Variants in RPAP1 observed in about 807,000 individuals in gnomAD.
The protein encoded by RPAP1 is RNA polymerase II-associated protein 1.
A neutral mutation model predicts 142.4 loss-of-function variants in RPAP1; 109 were observed. The ratio of observed to expected loss-of-function variants is 0.77; its 90% confidence interval spans 0.66 to 0.90. The LOEUF (loss-of-function observed/expected upper bound fraction) is 0.90, where lower values mean the gene tolerates loss of function less well. RPAP1 is among the 40% of genes least tolerant of loss of function. The pLI is 0.00. For synonymous variants in RPAP1, 704 were observed against 738.9 expected (o/e 0.95, Z 0.77); for missense variants, 1,546 against 1,751.7 (o/e 0.88, Z 2.10).
rs1471662545 is a variant in RPAP1, at chr15:41,536,516, G to A, written c.315C>T (p.Val105=). Residue 105 remains valine, a synonymous_variant, in exon 3 of 25, where the codon GTC becomes GTT. Transcript: ENST00000304330. ...TGAGACGCACAATAATCTTAGTCAA[G>A]ACAGCAGTGATGTGCTGATCATGCC... is the stretch of plus-strand genomic sequence containing the variant. ...LRRHDQHITA[V]LTKIIERDTS... is the part of the protein sequence containing the mutation. 1 of 1,614,102 alleles carries A rather than the reference G, an allele frequency of 6.2e-7. No individual in the cohort carries two copies.
At position 41,536,377 on chromosome 15, in the gene RPAP1, G is replaced by C. The variant is rs2051907417; in HGVS notation, c.330+124C>G. 3.6e-6 allele frequency: 5 copies of C among 1,394,680 alleles called. No individual in the cohort carries two copies. In the Admixed American group the frequency reaches 9.1e-5, roughly 25 times the overall value. The allele number at this position is 1,394,680 out of a possible 1,614,324, so 86.4% of individuals were successfully genotyped here. A position where few individuals can be genotyped will look rare whatever the true frequency, so the allele number is the denominator to read the frequency against. ...GTGATTCTAACCCAGCCCCCAACCT[G>C]ACCTCAGGGGTAAAAGTCTACCTTT... On this transcript the variant is annotated intron_variant, in intron 3 of 24. Coordinates refer to ENST00000304330, the MANE Select transcript of RPAP1 (RefSeq NM_015540.4).
Position 41,522,308 on chromosome 15 carries a change from C to G in RPAP1, c.2743-58G>C, listed in dbSNP as rs1369449420. The G allele has an allele frequency of 3.3e-6, 5 of 1,523,114 alleles. No homozygotes were observed. In the East Asian group the frequency reaches 1.2e-4, roughly 36 times the overall value. 94.3% of individuals were successfully genotyped at this position (1,523,114 alleles called of 1,614,324 possible). On this transcript the variant is annotated intron_variant, in intron 19 of 24. Transcript: ENST00000304330. The stretch of plus-strand genomic sequence containing the variant: ...ATTGACTCTCATGCCTTCTAGGGCT[C>G]CCCAGGTGGCTGCCCCTCTCCAGAC...
At chr15:41,535,660 A>G (rs1054627759) in intron 4 of RPAP1, 28 bp from the exon 5 acceptor site, 3 of 1,605,848 alleles carry the variant, frequency 1.9e-6, no homozygotes, top group South Asian at 2.2e-5. Flanking sequence ...AACCCAGGTT[A>G]CTGATGCTCA....
At chr15:41,532,701 C>T (rs1288691415) in intron 6 of RPAP1, among the ~76,000 whole-genome samples, 8 of 151,722 alleles carry the variant, frequency 5.3e-5, no homozygotes, top group Non-Finnish European at 1.0e-4. Context: ...CGGCTGGGCA[C>T]GGTGACCATC....
At chr15:41,526,282 G>A (rs1335045279) in intron 14 of RPAP1, among the ~76,000 whole-genome samples, 1 of 152,168 alleles carries the variant, frequency 6.6e-6, no homozygotes, top group African/African-American at 2.4e-5. Flanking sequence ...GTCTCGCCCT[G>A]TTGCCTAGGC....
Position 41,522,930 on chromosome 15 carries a change from G to A in RPAP1, c.2577C>T (p.Ser859=), listed in dbSNP as rs1268119680. 2 of 1,557,964 alleles carry A rather than the reference G, an allele frequency of 1.3e-6. No homozygotes were observed. The highest frequency in any genetic ancestry group is 8.6e-7 in the Non-Finnish European group (1 of 1,161,804). Residue 859 remains serine, a synonymous_variant, in exon 19 of 25, where the codon TCC becomes TCT. Coordinates refer to ENST00000304330, the MANE Select transcript of RPAP1 (RefSeq NM_015540.4). ...GGGGAGCTTCAAGGGCTGGCACACA[G>A]GACAGCGGGTTGCAGAGAAGGGAGC... ...RHCSLLCNPL[S]CVPALEAPPS...
chr15:41,536,082 C>G (rs1419006333), intron 4 of RPAP1, 47 bp downstream of exon 4: 1 of 1,425,534 alleles, frequency 7.0e-7, no homozygotes, highest in Non-Finnish European at 9.9e-7. Flanking sequence ...CACTATGAGA[C>G]TCACCTGTCT....
In RPAP1 at chr15:41,531,064, C is replaced by T. The variant is rs773052751; in HGVS notation, c.902G>A (p.Ser301Asn). 54 of 1,613,722 alleles carry T rather than the reference C, an allele frequency of 3.3e-5. No individual in the cohort carries two copies. The highest frequency in any genetic ancestry group is 4.2e-5 in the Non-Finnish European group (50 of 1,179,836). The change falls in exon 7 of 25, where the codon AGT (serine) becomes AAT (asparagine). Residue 301 changes from serine to asparagine, a missense_variant. This residue lies in a region of RPAP1 where 1,333 missense variants were observed against 1,486.6 expected (regional missense o/e 0.90). Transcript: ENST00000304330. ...KEEPLMSAFA[S>N]EPRKRDKLEP... ...CAGCTTGTCTCTCTTCCTGGGCTCA[C>T]TGGCAAAAGCTGACATGAGGGGTTC...
intron 1 of RPAP1, among the ~76,000 whole-genome samples, chr15:41,541,859 T>C (rs897671546): frequency 6.6e-6 from 1 of 151,780 alleles, no homozygotes; most frequent in African/African-American, 2.4e-5. Flanking sequence ...AAAAAAAAAG[T>C]GCTGAATGAC....
intron 15 of RPAP1, among the ~76,000 whole-genome samples, 181 bp from the exon 16 acceptor site, chr15:41,524,435 C>T (rs2051767381): frequency 6.7e-6 from 1 of 150,044 alleles, no homozygotes; most frequent in African/African-American, 2.5e-5. Flanking sequence ...AGGCTGCCCC[C>T]AACAGGGAAT....
chr15:41,540,861 A>G (rs1337174614), intron 1 of RPAP1, among the ~76,000 whole-genome samples: 4 of 152,188 alleles, frequency 2.6e-5, no homozygotes, highest in African/African-American at 4.8e-5. Context: ...AGGTTTCTCA[A>G]TAGGGACTAT....
At position 41,542,799 on chromosome 15, in the gene RPAP1, C is replaced by T. The variant is rs569977741; in HGVS notation, c.-77+1420G>A. Among the ~76,000 whole-genome samples the T allele has an allele frequency of 2.6e-4, 40 of 152,230 alleles. 1 individual carries two copies. The South Asian group carries it at 6.6e-3, about 25-fold the overall frequency. ...AGTCTCATACATGAAAGGACACAAA[C>T]GCCAGTTATGATTCTTATTATTTAT... On this transcript the variant is annotated intron_variant, in intron 1 of 24. Transcript: ENST00000304330.
At chr15:41,531,976 C>T (rs2051856773) in intron 6 of RPAP1, among the ~76,000 whole-genome samples, 1 of 151,840 alleles carries the variant, frequency 6.6e-6, no homozygotes, top group South Asian at 2.1e-4. Flanking sequence ...CCGCCTCAGC[C>T]TCCCAAGTAA....
At chr15:41,529,003 C>T (rs1050550087) in intron 9 of RPAP1, among the ~76,000 whole-genome samples, 2 of 152,080 alleles carry the variant, frequency 1.3e-5, no homozygotes, top group African/African-American at 2.4e-5. Flanking sequence ...GACAGAAGAT[C>T]GGCAAATTCT....
chr15:41,522,424 C>T, intron 19 of RPAP1, 174 bp from the exon 20 acceptor site: 1 of 655,554 alleles, frequency 1.5e-6, no homozygotes, highest in South Asian at 1.9e-5. Context: ...GAGTTTCGCT[C>T]TTGTTGCCCA....
At position 41,518,123 on chromosome 15, in the gene RPAP1, C is replaced by G. The variant is rs768867987; in HGVS notation, c.3855G>C (p.Gln1285His). 2 of 1,601,182 alleles carry G rather than the reference C, an allele frequency of 1.2e-6. No homozygotes were observed. Among genetic ancestry groups the G allele is most frequent in the South Asian group, 2.2e-5 (2 of 89,232 alleles). The stretch of plus-strand genomic sequence containing the variant: ...CAGTAACCAGGGTCCGGAAGTAGAG[C>G]TGAAGGAGGGCCAGGTTGTCTTCAG... ...VPPEDNLALL[Q>H]LYFRTLVTGA... The change falls in exon 23 of 25, where the codon CAG becomes CAC. Residue 1285 changes from glutamine (Q) to histidine (H), a missense_variant. Gln to His is a conservative substitution (Grantham distance 24). Around this residue, in one of 3 missense-constraint regions of RPAP1, gnomAD observed 210 missense variants for 248.0 expected, o/e 0.85. Coordinates refer to ENST00000304330, the MANE Select transcript of RPAP1 (RefSeq NM_015540.4).
At position 41,521,116 on chromosome 15, in the gene RPAP1, CG is replaced by C; in HGVS notation, c.3069del (p.Asp1024ThrfsTer8). The C allele has an allele frequency of 6.6e-7, 1 of 1,516,034 alleles. No homozygotes were observed. Among genetic ancestry groups the C allele is most frequent in the Non-Finnish European group, 8.8e-7 (1 of 1,133,156 alleles). 93.9% of individuals were successfully genotyped at this position (1,516,034 alleles called of 1,614,324 possible). On this transcript the variant is annotated frameshift_variant, in exon 22 of 25. Transcript: ENST00000304330. LOFTEE classifies it high-confidence loss of function. ...CCTAACGACAGCTGGTCAGAGAAGT[CG>C]GCTGCCTCTGGACCCCCTGATGTTC... The part of the protein sequence containing the change: ...PERTSGGPEA[A>X]DFSDQLSLGS...
At position 41,534,931 on chromosome 15, in the gene RPAP1, G is replaced by A. The variant is rs1251976628; in HGVS notation, c.546C>T (p.Ala182=). The A allele has an allele frequency of 6.8e-6, 11 of 1,613,836 alleles. No homozygotes were observed. Among genetic ancestry groups the A allele is most frequent in the Admixed American group, 1.7e-5 (1 of 60,000 alleles). ...VVPNVGPPEG[A]VTCETPTPRN... Reference sequence around the variant, plus strand: ...TAGGAGTGGGTGTCTCACAGGTCACGGCACCTGGAAGAAAGGTATGATCAC... The same window carrying A: ...TAGGAGTGGGTGTCTCACAGGTCACAGCACCTGGAAGAAAGGTATGATCAC... Residue 182 remains alanine (A), a synonymous_variant, in exon 6 of 25, where the codon GCC becomes GCT. Transcript: ENST00000304330.
At chr15:41,528,405 T>C in intron 9 of RPAP1, 69 bp from the exon 10 acceptor site, 1 of 1,063,182 alleles carries the variant, frequency 9.4e-7, no homozygotes, top group Non-Finnish European at 1.4e-6. Flanking sequence ...CCAAGCAAGG[T>C]ATCACAGGAA....
Sources: gnomAD v4.1 joint callset for allele counts (sites outside exome capture counted in the v4.1 genomes callset) on GRCh38, gnomAD v4.1.1 for gene constraint, gnomAD v4.1.1 regional missense constraint, MANE v1.5 for transcripts, NCBI Gene and HGNC (gene_info 2026-07-23, HGNC 2026-07-21) for gene names.